Variants in TULP3 observed in about 807,000 individuals in gnomAD.
The protein encoded by TULP3 is tubby-related protein 3.
TULP3 carries 38 observed loss-of-function variants against 50.7 expected under a neutral mutation model. That is an observed-to-expected ratio of 0.75 (90% CI 0.58 to 0.98). The LOEUF is 0.98. TULP3 is among the 50% of genes least tolerant of loss of function. The probability of loss-of-function intolerance (pLI) is 0.00; values close to 1 mark genes in which losing one functional copy is unlikely to be tolerated. For synonymous variants in TULP3, 183 were observed against 196.6 expected (o/e 0.93, Z 0.58); for missense variants, 550 against 568.0 (o/e 0.97, Z 0.32).
chr12:2,908,372 A>C (rs941142846), intron 1 of TULP3, among the ~76,000 whole-genome samples: 1 of 152,194 alleles, frequency 6.6e-6, no homozygotes, highest in Non-Finnish European at 1.5e-5. Flanking sequence ...GAGTCACAAA[A>C]TAAAAGTCTT....
intron 2 of TULP3, among the ~76,000 whole-genome samples, chr12:2,918,653 G>A (rs572712786): frequency 2.0e-5 from 3 of 151,954 alleles, no homozygotes; most frequent in Non-Finnish European, 4.4e-5. Flanking sequence ...CGATTCTCCC[G>A]CCTCAGCCTC....
Position 2,917,587 on chromosome 12 carries a change from A to G in TULP3, c.94-3176A>G, listed in dbSNP as rs2098189328. Among the ~76,000 whole-genome samples, 3 of 151,848 alleles carry G rather than the reference A, an allele frequency of 2.0e-5. No individual in the cohort carries two copies. The South Asian group carries it at 6.2e-4, about 32-fold the overall frequency. On this transcript the variant is annotated intron_variant, in intron 2 of 10. Coordinates refer to ENST00000448120, the MANE Select transcript of TULP3 (RefSeq NM_003324.5). Reference sequence around the variant, plus strand: ...AGAAAACTCCTTTTCTATAGAAAATATTTTCCTTGGCCAGGTACGGTGGCT... The same window carrying G: ...AGAAAACTCCTTTTCTATAGAAAATGTTTTCCTTGGCCAGGTACGGTGGCT...
Position 2,939,209 on chromosome 12 carries a change from C to A in TULP3, c.1196-102C>A. 1 of 1,336,578 alleles carries A rather than the reference C, an allele frequency of 7.5e-7. No homozygotes were observed. Among genetic ancestry groups the A allele is most frequent in the Non-Finnish European group, 1.0e-6 (1 of 964,170 alleles). 82.8% of individuals were successfully genotyped at this position (1,336,578 alleles called of 1,614,324 possible). A position where few individuals can be genotyped will look rare whatever the true frequency, so the allele number is the denominator to read the frequency against. On this transcript the variant is annotated intron_variant, in intron 10 of 10. Transcript: ENST00000448120. The surrounding 1 kb of genome is among the most constrained non-coding windows in gnomAD (Gnocchi z 4.0). ...TCATTCCACTAGGCTCCAGCCAGGG[C>A]GACAGAGCAAAACCCCATCTAAGAA...
rs1484937184 is a variant in TULP3, at chr12:2,939,920, T to C, written c.*476T>C. The C allele has an allele frequency of 1.0e-5, 13 of 1,263,722 alleles. No individual in the cohort carries two copies. The East Asian group carries it at 4.6e-4, about 45-fold the overall frequency. The allele number at this position is 1,263,722 out of a possible 1,614,324, so 78.3% of individuals were successfully genotyped here. A position where few individuals can be genotyped will look rare whatever the true frequency, so the allele number is the denominator to read the frequency against. On this transcript the variant is annotated 3_prime_UTR_variant, in exon 11 of 11. Coordinates refer to ENST00000448120, the MANE Select transcript of TULP3 (RefSeq NM_003324.5). This position sits in a 1 kb window ranked among gnomAD's most constrained non-coding sequence, Gnocchi z 4.0. ...AAAGCACAGGGAGATTCTTGTCACATTGGGGTCTCCAAAGCTAGAATGGGA... is the reference window on the plus strand; with the variant it reads ...AAAGCACAGGGAGATTCTTGTCACACTGGGGTCTCCAAAGCTAGAATGGGA...
chr12:2,900,588 T>C, intron 1 of TULP3, among the ~76,000 whole-genome samples: 1 of 138,436 alleles, frequency 7.2e-6, no homozygotes, highest in East Asian at 2.2e-4. Flanking sequence ...CAAAAACATC[T>C]GTTTTGAATA....
chr12:2,931,045 C>T lies in TULP3; in HGVS notation c.501C>T (p.Gly167=), dbSNP rs773743239. 1.2e-6 allele frequency: 2 copies of T among 1,614,074 alleles called. No individual in the cohort carries two copies. The highest frequency in any genetic ancestry group is 8.5e-7 in the Non-Finnish European group (1 of 1,180,010). Residue 167 remains glycine (G), a synonymous_variant, in exon 6 of 11, where the codon GGC becomes GGT. Coordinates refer to ENST00000448120, the MANE Select transcript of TULP3 (RefSeq NM_003324.5). The stretch of plus-strand genomic sequence containing the variant: ...TATGGCTGTCCTTTCAGGATACAGG[C>T]ACTTCCGGTTCTGCTACTGCCGCCC... ...SASSQNSTDT[G]TSGSATAAQP...
chr12:2,892,970 G>A (rs2098173095), intron 1 of TULP3, among the ~76,000 whole-genome samples: 1 of 150,914 alleles, frequency 6.6e-6, no homozygotes, highest in African/African-American at 2.4e-5. Flanking sequence ...CAGGTTAAGC[G>A]ATCCTCCCAC....
rs971636883 is a variant in TULP3, at chr12:2,920,868, G to A, written c.199G>A (p.Glu67Lys). The change falls in exon 3 of 11, where the codon GAG becomes AAG. Residue 67 changes from glutamate (E) to lysine (K), a missense_variant. Glu to Lys is a moderately conservative substitution (Grantham distance 56, BLOSUM62 1). Transcript: ENST00000448120. ...LRRAKPRASD[E>K]QTPLVNCHTP... ...TCGGGCAAAGCCAAGGGCCAGTGAT[G>A]AGCAGACTCCCTTGGTGAACTGTCA... 6.2e-7 allele frequency: 1 copy of A among 1,614,032 alleles called. No individual in the cohort carries two copies. The highest frequency in any genetic ancestry group is 1.3e-5 in the African/African-American group (1 of 74,926).
chr12:2,906,370 G>C (rs952128246), intron 1 of TULP3, among the ~76,000 whole-genome samples: 3 of 150,352 alleles, frequency 2.0e-5, no homozygotes, highest in Middle Eastern at 3.5e-3. Context: ...CTGTCATCCT[G>C]GCTAGAGTGG....
At chr12:2,916,750 A>G (rs906742389) in intron 2 of TULP3, among the ~76,000 whole-genome samples, 3 of 152,368 alleles carry the variant, frequency 2.0e-5, no homozygotes, top group African/African-American at 7.2e-5. Context: ...TCCAAACTGC[A>G]TGACGGTTTT....
rs71057864 is a variant in TULP3, at chr12:2,927,366, A to ATTTTTTTT, written c.395-2871_395-2864dup. Among the ~76,000 whole-genome samples, 24 of 105,194 alleles carry ATTTTTTTT rather than the reference A, an allele frequency of 2.3e-4. 2 individuals are homozygous for ATTTTTTTT. The highest frequency in any genetic ancestry group is 8.2e-4 in the African/African-American group (21 of 25,744). The allele number at this position is 105,194 out of a possible 152,430, so 69.0% of individuals were successfully genotyped here. On this transcript the variant is annotated intron_variant, in intron 4 of 10. Coordinates refer to ENST00000448120, the MANE Select transcript of TULP3 (RefSeq NM_003324.5). ...GGACCTATGTTTTCAGTTGAGACTG[A>ATTTTTTTT]TTTTTTTTTTTTTTTTTTGAGACCA...
Position 2,907,475 on chromosome 12 carries a change from C to CAAAAAA in TULP3, c.42-2044_42-2039dup, listed in dbSNP as rs60356460. ...GGGCGACAGAGTGAGACTCCGTCTC[C>CAAAAAA]AAAAAAAAAAAAAAATACAAAAATT... is the stretch of plus-strand genomic sequence containing the variant. On this transcript the variant is annotated intron_variant, in intron 1 of 10. Coordinates refer to ENST00000448120, the MANE Select transcript of TULP3 (RefSeq NM_003324.5). 5.1e-4 allele frequency among the ~76,000 whole-genome samples: 49 copies of CAAAAAA among 95,792 alleles called. 1 individual carries two copies. The highest frequency in any genetic ancestry group is 2.1e-3 in the African/African-American group (46 of 22,188). The allele number at this position is 95,792 out of a possible 152,430, so 62.8% of individuals were successfully genotyped here. A position where few individuals can be genotyped will look rare whatever the true frequency, so the allele number is the denominator to read the frequency against.
chr12:2,930,102 C>T, intron 4 of TULP3, 146 bp from the exon 5 acceptor site: 1 of 585,786 alleles, frequency 1.7e-6, no homozygotes, highest in Non-Finnish European at 2.9e-6. Flanking sequence ...TATGAATTTG[C>T]CTGTTTTATG....
At chr12:2,929,580 G>A (rs975935760) in intron 4 of TULP3, among the ~76,000 whole-genome samples, 30 of 151,960 alleles carry the variant, frequency 2.0e-4, no homozygotes, top group Non-Finnish European at 3.2e-4. Context: ...GAGCCACTGT[G>A]CCCTGCCTAA....
intron 4 of TULP3, among the ~76,000 whole-genome samples, chr12:2,923,500 A>G (rs1456887746): frequency 6.6e-6 from 1 of 152,106 alleles, no homozygotes; most frequent in African/African-American, 2.4e-5. Context: ...ATATAAAAAA[A>G]GTAGCCAAGC....
Position 2,940,283 on chromosome 12 carries a change from T to C in TULP3, c.*839T>C. ...GCATCCTGTGCAAACACTTTGTCAT[T>C]ATCAAGAGAGATGGCAGTATTGACC... On this transcript the variant is annotated 3_prime_UTR_variant, in exon 11 of 11. Transcript: ENST00000448120. 7.0e-7 allele frequency: 1 copy of C among 1,424,102 alleles called. No homozygotes were observed. The allele number at this position is 1,424,102 out of a possible 1,614,324, so 88.2% of individuals were successfully genotyped here.
Position 2,939,589 on chromosome 12 carries a change from A to T in TULP3, c.*145A>T, listed in dbSNP as rs11062424. On this transcript the variant is annotated 3_prime_UTR_variant, in exon 11 of 11. Transcript: ENST00000448120. The surrounding 1 kb of genome is among the most constrained non-coding windows in gnomAD (Gnocchi z 4.0). Reference sequence around the variant, plus strand: ...CTCTGAATATATAAAACACACACACAAAGAGCAATAGTTTGCCCCTTTTGG... The same window carrying T: ...CTCTGAATATATAAAACACACACACTAAGAGCAATAGTTTGCCCCTTTTGG... The T allele has an allele frequency of 9.1e-7, 1 of 1,102,246 alleles. No homozygotes were observed. Among genetic ancestry groups the T allele is most frequent in the African/African-American group, 1.7e-5 (1 of 59,546 alleles). The allele number at this position is 1,102,246 out of a possible 1,614,324, so 68.3% of individuals were successfully genotyped here. A position where few individuals can be genotyped will look rare whatever the true frequency, so the allele number is the denominator to read the frequency against.
intron 2 of TULP3, among the ~76,000 whole-genome samples, chr12:2,917,636 A>G (rs988392431): frequency 1.2e-4 from 18 of 151,862 alleles, no homozygotes; most frequent in Non-Finnish European, 2.4e-4. Flanking sequence ...CCAGCACTTT[A>G]GGAGGCCAAG....
chr12:2,918,085 C>T (rs923370540), intron 2 of TULP3, among the ~76,000 whole-genome samples: 5 of 151,868 alleles, frequency 3.3e-5, no homozygotes, highest in Admixed American at 2.6e-4. Flanking sequence ...AGTGAAACTC[C>T]GTCTCAAAAA....
Sources: allele counts gnomAD v4.1 joint callset (sites outside exome capture counted in the v4.1 genomes callset), GRCh38; gene constraint gnomAD v4.1.1; non-coding constraint Gnocchi (gnomAD v3.1); transcripts MANE v1.5; gene names NCBI Gene and HGNC (gene_info 2026-07-23, HGNC 2026-07-21).